The following ATP9A variants were observed in gnomAD, a reference collection of about 807,000 sequenced individuals.
ATP9A encodes the protein probable phospholipid-transporting ATPase IIA.
ATP9A carries 52 observed loss-of-function variants against 144.1 expected under a neutral mutation model. The observed-to-expected ratio is 0.36, with a 90% CI of 0.29 to 0.45. The LOEUF (loss-of-function observed/expected upper bound fraction) is 0.45, where lower values mean the gene tolerates loss of function less well. Ranked by LOEUF, ATP9A falls within the 20% of genes least tolerant of loss-of-function variation. The pLI is 1.00. For missense variants in ATP9A, 947 were observed against 1,392.7 expected, an observed-to-expected ratio of 0.68 and a Z score of 5.09; for synonymous variants, 582 against 557.4, an observed-to-expected ratio of 1.04 and a Z score of -0.62.
At chr20:51,712,074 C>CTTTT (rs74175572) in intron 4 of ATP9A, among the ~76,000 whole-genome samples, 2 of 98,840 alleles carry the variant, frequency 2.0e-5, no homozygotes, top group Non-Finnish European at 4.3e-5. Flanking sequence ...CCAGGCTGGT[C>CTTTT]TTTTTTTTTT....
At chr20:51,748,855 T>G (rs1217716196) in intron 1 of ATP9A, among the ~76,000 whole-genome samples, 1 of 151,906 alleles carries the variant, frequency 6.6e-6, no homozygotes, top group Non-Finnish European at 1.5e-5. Context: ...AGGCCCAGGT[T>G]CACTTGAGGC....
intron 1 of ATP9A, among the ~76,000 whole-genome samples, chr20:51,740,904 A>T (rs2077782097): frequency 6.6e-6 from 1 of 151,988 alleles, no homozygotes. Context: ...AGTACAGTCT[A>T]CACCTTAAAG....
intron 14 of ATP9A, among the ~76,000 whole-genome samples, chr20:51,647,401 A>G (rs2077346260): frequency 6.6e-6 from 1 of 151,902 alleles, no homozygotes; most frequent in Non-Finnish European, 1.5e-5. Context: ...ATACAAAAAA[A>G]TTAGCCAGGC....
Position 51,615,466 on chromosome 20 carries a change from A to G in ATP9A, c.2416-1634T>C, listed in dbSNP as rs543923720. On this transcript the variant is annotated intron_variant, in intron 22 of 27. Transcript: ENST00000338821. ...TACAGTGTGTTTTCAATTTAAAAAA[A>G]TACATGAAAATTACATATATATACA... 1.5e-3 allele frequency among the ~76,000 whole-genome samples: 223 copies of G among 152,356 alleles called. 2 individuals carry two copies. Among genetic ancestry groups the G allele is most frequent in the African/African-American group, 4.5e-3 (188 of 41,584 alleles).
intron 3 of ATP9A, among the ~76,000 whole-genome samples, chr20:51,721,183 A>T (rs1371863028): frequency 6.6e-6 from 1 of 152,230 alleles, no homozygotes; most frequent in Non-Finnish European, 1.5e-5. Flanking sequence ...GTCCCTGAGC[A>T]TCTGGCTTCC....
chr20:51,734,073 C>G (rs1219962229), intron 1 of ATP9A, among the ~76,000 whole-genome samples: 1 of 151,996 alleles, frequency 6.6e-6, no homozygotes, highest in Non-Finnish European at 1.5e-5. Context: ...ACCTTCCAAG[C>G]TCAACCAATC....
At chr20:51,728,375 C>T (rs150772983) in intron 2 of ATP9A, among the ~76,000 whole-genome samples, 2,051 of 152,196 alleles carry the variant, frequency 0.013, 50 homozygotes, top group African/African-American at 0.047. Flanking sequence ...GCCTATAATC[C>T]CAGCACTTTG....
intron 10 of ATP9A, among the ~76,000 whole-genome samples, chr20:51,675,394 T>A (rs2122793692): frequency 6.6e-6 from 1 of 152,284 alleles, no homozygotes; most frequent in African/African-American, 2.4e-5. Flanking sequence ...TGATGGTGGG[T>A]CACGGTTTGA....
intron 1 of ATP9A, among the ~76,000 whole-genome samples, chr20:51,761,657 G>A (rs1266227066): frequency 6.6e-6 from 1 of 152,022 alleles, no homozygotes; most frequent in Non-Finnish European, 1.5e-5. Context: ...CTACTCGGGA[G>A]GCTGAGACAG....
Position 51,657,132 on chromosome 20 carries a change from C to T in ATP9A, c.1312G>A (p.Ala438Thr), listed in dbSNP as rs1476172177. 2.5e-6 allele frequency: 4 copies of T among 1,613,888 alleles called. No homozygotes were observed. Among genetic ancestry groups the T allele is most frequent in the Non-Finnish European group, 3.4e-6 (4 of 1,179,986 alleles). The part of the protein sequence containing the change: ...IYTQQSQDPP[A>T]QKGPTLTTKV... ...GTGGTGAGCGTTGGGCCCTTCTGAG[C>T]CGGTGGGTCCTGGGATTGCTACAGG... The change falls in exon 14 of 28, where the codon GCT becomes ACT. Residue 438 changes from alanine to threonine, a missense_variant. Physicochemically the swap from Ala to Thr is moderately conservative, Grantham distance 58. Transcript: ENST00000338821.
chr20:51,662,493 T>C lies in ATP9A; in HGVS notation c.1294-5343A>G, dbSNP rs561643702. ...CTGGGAGGCAGAGGTTGCAGTGAGCTGAGATCACGCCACTGCACTCCAGCC... is the reference window on the plus strand; with the variant it reads ...CTGGGAGGCAGAGGTTGCAGTGAGCCGAGATCACGCCACTGCACTCCAGCC... On this transcript the variant is annotated intron_variant, in intron 13 of 27. Coordinates refer to ENST00000338821, the MANE Select transcript of ATP9A (RefSeq NM_006045.3). Among the ~76,000 whole-genome samples, 491 of 149,638 alleles carry C rather than the reference T, an allele frequency of 3.3e-3. 3 individuals are homozygous for C. Among genetic ancestry groups the C allele is most frequent in the African/African-American group, 0.012 (475 of 40,506 alleles).
In ATP9A at chr20:51,598,325, A is replaced by C. The variant is rs1425535839; in HGVS notation, c.*2886T>G. ...AGTTCTTACTCTGGCAGAAATAGCT[A>C]GTGTTGTCAGAGGGCGCAGGGAGCT... On this transcript the variant is annotated 3_prime_UTR_variant, in exon 28 of 28. Coordinates refer to ENST00000338821, the MANE Select transcript of ATP9A (RefSeq NM_006045.3). 1 of 152,180 alleles carries C rather than the reference A, an allele frequency of 6.6e-6. No individual in the cohort carries two copies. The allele number at this position is 152,180 out of a possible 1,614,324, so 9.4% of individuals were successfully genotyped here.
In ATP9A at chr20:51,712,944, G is replaced by A. The variant is rs201785276; in HGVS notation, c.436+22C>T. 111 of 1,586,144 alleles carry A rather than the reference G, an allele frequency of 7.0e-5. 1 individual carries two copies. The East Asian group carries it at 1.9e-3, about 28-fold the overall frequency. ...CCCGTGATTGAGCTGCAACCCTGTG[G>A]CCCAGGAGCCAGAAGGCTGACCTCG... On this transcript the variant is annotated intron_variant, in intron 4 of 27. Coordinates refer to ENST00000338821, the MANE Select transcript of ATP9A (RefSeq NM_006045.3).
intron 4 of ATP9A, among the ~76,000 whole-genome samples, chr20:51,698,127 C>T (rs185690006): frequency 6.6e-6 from 1 of 152,218 alleles, no homozygotes; most frequent in Non-Finnish European, 1.5e-5. Flanking sequence ...GGATGTCCCA[C>T]CTTCCCCCAA....
At chr20:51,730,025 G>A (rs750493244) in intron 1 of ATP9A, 47 bp from the exon 2 acceptor site, 3 of 1,450,102 alleles carry the variant, frequency 2.1e-6, no homozygotes. Flanking sequence ...ACGCATCGAG[G>A]CTGTGCTCAT....
At chr20:51,648,111 T>C (rs2077349080) in intron 14 of ATP9A, among the ~76,000 whole-genome samples, 2 of 152,178 alleles carry the variant, frequency 1.3e-5, no homozygotes, top group African/African-American at 2.4e-5. Flanking sequence ...TCCGAGCTCA[T>C]TCATGCACAC....
At chr20:51,632,849 G>A (rs187936210) in intron 15 of ATP9A, among the ~76,000 whole-genome samples, 36 of 152,276 alleles carry the variant, frequency 2.4e-4, no homozygotes, top group East Asian at 1.5e-3. Context: ...AAAGCGAGGC[G>A]CAGTGGCTCA....
At chr20:51,727,662 T>C (rs753052047) in intron 2 of ATP9A, among the ~76,000 whole-genome samples, 1 of 152,026 alleles carries the variant, frequency 6.6e-6, no homozygotes, top group Non-Finnish European at 1.5e-5. Flanking sequence ...CCGCACACAG[T>C]GGCTCACGCC....
chr20:51,606,637 C>T (rs1048785168), intron 26 of ATP9A, among the ~76,000 whole-genome samples: 1 of 152,146 alleles, frequency 6.6e-6, no homozygotes, highest in South Asian at 2.1e-4. Flanking sequence ...TGTCAGCACC[C>T]GACAGGATCC....
Sources: gnomAD v4.1 joint callset for allele counts (sites outside exome capture counted in the v4.1 genomes callset) on GRCh38, gnomAD v4.1.1 for gene constraint, MANE v1.5 for transcripts, NCBI Gene and HGNC (gene_info 2026-07-23, HGNC 2026-07-21) for gene names.